Variants in SLC36A1 observed in about 807,000 individuals in gnomAD.
SLC36A1 encodes the protein solute carrier family 36 member 1.
In SLC36A1, 30 loss-of-function variants were observed where a neutral mutation model predicts 47.5. The observed-to-expected ratio is 0.63, with a 90% CI of 0.47 to 0.86. SLC36A1 has a LOEUF of 0.86. Ranked by LOEUF, SLC36A1 falls within the 40% of genes least tolerant of loss-of-function variation. The pLI is 0.00. For missense variants in SLC36A1, 517 were observed against 606.0 expected (o/e 0.85, Z 1.54); for synonymous variants, 255 against 249.7 (o/e 1.02, Z -0.20).
At chr5:151,400,088 G>C in the SLC36A1 span, among the ~76,000 whole-genome samples, 1 of 152,026 alleles carries the variant, frequency 6.6e-6, no homozygotes, top group Admixed American at 6.6e-5. Flanking sequence ...TGAGGTTTAG[G>C]GTATGAACGA....
At chr5:151,544,769 G>A in the SLC36A1 span, 323 of 1,614,142 alleles carry the variant, frequency 2.0e-4, 3 homozygotes, top group Admixed American at 4.3e-4. Context: ...CCAAGATAGG[G>A]GTCAATTCGG....
the SLC36A1 span, among the ~76,000 whole-genome samples, chr5:151,409,766 A>G: frequency 0.017 from 2,527 of 152,314 alleles, 78 homozygotes; most frequent in African/African-American, 0.058. Flanking sequence ...GCAGGGATTC[A>G]CAGCATCTCT....
chr5:151,453,886 T>A (rs1754040667), intron 1 of SLC36A1, among the ~76,000 whole-genome samples: 1 of 151,798 alleles, frequency 6.6e-6, no homozygotes, highest in Admixed American at 6.6e-5. Context: ...ATTTTATTTT[T>A]AAAAATAAAA....
At chr5:151,486,973 A>G (rs1581228034) in intron 10 of SLC36A1, among the ~76,000 whole-genome samples, 1 of 152,330 alleles carries the variant, frequency 6.6e-6, no homozygotes, top group South Asian at 2.1e-4. Context: ...TTTGACCATC[A>G]TGACATCTCT....
the SLC36A1 span, among the ~76,000 whole-genome samples, chr5:151,518,829 G>T: frequency 2.6e-5 from 4 of 152,142 alleles, no homozygotes; most frequent in African/African-American, 7.2e-5. Context: ...GGGAAGCACT[G>T]CCCTCCCCAG....
chr5:151,529,808 CAG>C, the SLC36A1 span, among the ~76,000 whole-genome samples: 2 of 152,148 alleles, frequency 1.3e-5, no homozygotes, highest in South Asian at 2.1e-4. Flanking sequence ...TGACAGACCT[CAG>C]GGCATAAAAT....
At chr5:151,500,236 G>A in the SLC36A1 span, among the ~76,000 whole-genome samples, 1 of 152,148 alleles carries the variant, frequency 6.6e-6, no homozygotes, top group Non-Finnish European at 1.5e-5. Context: ...TGGAATCCTG[G>A]TCCTGTCACT....
chr5:151,479,706 G>A (rs1758557454), intron 10 of SLC36A1: 4 of 570,974 alleles, frequency 7.0e-6, no homozygotes, highest in African/African-American at 5.6e-5. Context: ...TGAGGACAGT[G>A]GTTTATGTAT....
the SLC36A1 span, chr5:151,531,824 G>T: frequency 6.2e-7 from 1 of 1,613,866 alleles, no homozygotes; most frequent in Non-Finnish European, 8.5e-7. The surrounding 1 kb of genome is among the most constrained non-coding windows in gnomAD (Gnocchi z 5.7). Context: ...GGGGTGCCCA[G>T]GTCAGAGGCA....
the SLC36A1 span, among the ~76,000 whole-genome samples, chr5:151,532,669 A>G: frequency 2.6e-5 from 4 of 151,992 alleles, no homozygotes; most frequent in Non-Finnish European, 5.9e-5. Flanking sequence ...TAGTAAATCA[A>G]AACACACAGT....
the SLC36A1 span, chr5:151,506,162 A>G: frequency 6.8e-7 from 1 of 1,478,434 alleles, no homozygotes; most frequent in Admixed American, 2.4e-5. Context: ...CTGGCTCTAT[A>G]GCAACTATAT....
downstream of SLC36A1, among the ~76,000 whole-genome samples, chr5:151,494,753 A>G (rs540095208): frequency 2.0e-5 from 3 of 152,244 alleles, no homozygotes; most frequent in East Asian, 5.8e-4. Context: ...GGCTTATGTT[A>G]TTTTAATGTA....
the SLC36A1 span, among the ~76,000 whole-genome samples, chr5:151,552,041 C>T: frequency 6.6e-6 from 1 of 150,890 alleles, no homozygotes; most frequent in South Asian, 2.1e-4. Context: ...AAAGGAAACA[C>T]ATCAACATTA....
chr5:151,512,656 A>G, the SLC36A1 span: 1 of 1,489,550 alleles, frequency 6.7e-7, no homozygotes. This position sits in a 1 kb window ranked among gnomAD's most constrained non-coding sequence, Gnocchi z 4.1. Context: ...AGTCCTTGTA[A>G]ACCTGCTAAG....
At chr5:151,427,629 G>A in the SLC36A1 span, among the ~76,000 whole-genome samples, 4 of 152,120 alleles carry the variant, frequency 2.6e-5, no homozygotes, top group African/African-American at 9.7e-5. Context: ...GGACTTCTTG[G>A]AAACTAGGAT....
chr5:151,425,742 G>A, the SLC36A1 span, among the ~76,000 whole-genome samples: 3 of 152,128 alleles, frequency 2.0e-5, no homozygotes, highest in East Asian at 1.9e-4. Context: ...CAGAACACAG[G>A]CCGTATTTGG....
chr5:151,381,596 A>T, the SLC36A1 span, among the ~76,000 whole-genome samples: 1 of 152,230 alleles, frequency 6.6e-6, no homozygotes, highest in Admixed American at 6.5e-5. Flanking sequence ...CTGACCCTCC[A>T]TAAACTGGTC....
At chr5:151,495,279 C>T (rs1347866909), downstream of SLC36A1, among the ~76,000 whole-genome samples, 1 of 152,186 alleles carries the variant, frequency 6.6e-6, no homozygotes, top group Non-Finnish European at 1.5e-5. Flanking sequence ...TAAGGAAGTA[C>T]TTGTTCAAAT....
At chr5:151,362,625 A>G in the SLC36A1 span, among the ~76,000 whole-genome samples, 1,468 of 152,240 alleles carry the variant, frequency 9.6e-3, 21 homozygotes, top group Non-Finnish European at 0.013. Context: ...TTCTGACCTC[A>G]GGCGATCTCC....
Sources: gnomAD v4.1 joint callset for allele counts (sites outside exome capture counted in the v4.1 genomes callset) on GRCh38, gnomAD v4.1.1 for gene constraint, Gnocchi (gnomAD v3.1) non-coding constraint, MANE v1.5 for transcripts, NCBI Gene and HGNC (gene_info 2026-07-23, HGNC 2026-07-21) for gene names.